SYT9: variants seen among roughly 807,000 people sequenced by gnomAD.
SYT9 encodes the protein synaptotagmin 9.
SYT9 carries 22 observed loss-of-function variants against 48.4 expected under a neutral mutation model. That is an observed-to-expected ratio of 0.45 (90% CI 0.32 to 0.65). SYT9 has a LOEUF of 0.65. Among genes scored for constraint, SYT9 ranks in the 30% least tolerant of loss-of-function variants. The pLI, the probability that SYT9 is intolerant of heterozygous loss-of-function variation, is 0.03. For synonymous variants in SYT9, 265 were observed against 245.0 expected, an observed-to-expected ratio of 1.08 and a Z score of -0.76; for missense variants, 577 against 622.0, an observed-to-expected ratio of 0.93 and a Z score of 0.77.
At chr11:7,457,224 C>T (rs969233942) in intron 6 of SYT9, 1 of 152,252 alleles carries the variant, frequency 6.6e-6, no homozygotes, top group Non-Finnish European at 1.5e-5. Context: ...TGCCTAGATC[C>T]AGCCTGTCTT....
intron 1 of SYT9, among the ~76,000 whole-genome samples, chr11:7,263,553 A>G (rs777149992): frequency 3.3e-5 from 5 of 152,338 alleles, no homozygotes; most frequent in African/African-American, 9.6e-5. Flanking sequence ...AGAAATGTGC[A>G]GGAACCAATA....
intron 3 of SYT9, among the ~76,000 whole-genome samples, chr11:7,403,773 A>G (rs1846945946): frequency 6.6e-6 from 1 of 152,202 alleles, no homozygotes; most frequent in African/African-American, 2.4e-5. Context: ...CTAAAAAAAA[A>G]AGAATGTATA....
At chr11:7,426,473 T>C (rs1387017712) in intron 6 of SYT9, among the ~76,000 whole-genome samples, 1 of 152,156 alleles carries the variant, frequency 6.6e-6, no homozygotes, top group Non-Finnish European at 1.5e-5. Flanking sequence ...TTCCCTGAAA[T>C]TCTAACAACC....
rs544970879 is a variant in SYT9 at position 7,383,473 on chromosome 11, A to T, written c.1045-32569A>T. ...GCAACACATATCCAAGGACCCTCGAAACTTTCCTTCATTTGCACATCAATT... is the reference window on the plus strand; with the variant it reads ...GCAACACATATCCAAGGACCCTCGATACTTTCCTTCATTTGCACATCAATT... On this transcript the variant is annotated intron_variant, in intron 3 of 6. Transcript: ENST00000318881. 2.5e-4 allele frequency among the ~76,000 whole-genome samples: 38 copies of T among 152,282 alleles called. 1 individual carries two copies. The South Asian group carries it at 7.1e-3, about 28-fold the overall frequency.
At chr11:7,466,675 C>T (rs551855405) in intron 6 of SYT9, 117 bp from the exon 7 acceptor site, 68 of 1,005,620 alleles carry the variant, frequency 6.8e-5, no homozygotes, top group African/African-American at 5.4e-4. Flanking sequence ...GAGCCAAGAT[C>T]GCGCCACTGC....
upstream of SYT9, among the ~76,000 whole-genome samples, chr11:7,248,601 A>G (rs570017851): frequency 8.5e-4 from 129 of 152,246 alleles, no homozygotes; most frequent in African/African-American, 2.9e-3. Context: ...TTCCAAATAA[A>G]ATACTTAGGA....
At chr11:7,319,957 G>A (rs1347257212) in intron 3 of SYT9, among the ~76,000 whole-genome samples, 1 of 152,118 alleles carries the variant, frequency 6.6e-6, no homozygotes, top group Non-Finnish European at 1.5e-5. Flanking sequence ...TTTTAATCTA[G>A]TATTTTTACC....
chr11:7,333,990 G>A lies in SYT9; in HGVS notation c.1044+20049G>A, dbSNP rs547143232. Among the ~76,000 whole-genome samples, 607 of 152,320 alleles carry A rather than the reference G, an allele frequency of 4.0e-3. 6 individuals carry two copies. Among genetic ancestry groups the A allele is most frequent in the Non-Finnish European group, 6.8e-3 (464 of 68,028 alleles). Reference sequence around the variant, plus strand: ...GAGGAAACGTAGGCAAGCGCTTCCTGTGGCACCTAACCTGGCCTGGTATAT... The same window carrying A: ...GAGGAAACGTAGGCAAGCGCTTCCTATGGCACCTAACCTGGCCTGGTATAT... On this transcript the variant is annotated intron_variant, in intron 3 of 6. Coordinates refer to ENST00000318881, the MANE Select transcript of SYT9 (RefSeq NM_175733.4).
upstream of SYT9, among the ~76,000 whole-genome samples, chr11:7,250,962 T>A (rs894270233): frequency 6.6e-6 from 1 of 152,098 alleles, no homozygotes; most frequent in Non-Finnish European, 1.5e-5. Flanking sequence ...CATGTATGAA[T>A]TTGAGCAAGT....
At chr11:7,239,322 G>A (rs1368085410) in intron 1 of SYT9, among the ~76,000 whole-genome samples, 4 of 152,070 alleles carry the variant, frequency 2.6e-5, no homozygotes, top group African/African-American at 9.7e-5. Flanking sequence ...TCTTTCCCTG[G>A]GTGTTTCATC....
intron 1 of SYT9, among the ~76,000 whole-genome samples, chr11:7,298,894 G>A (rs1848862182): frequency 6.6e-6 from 1 of 152,210 alleles, no homozygotes; most frequent in East Asian, 1.9e-4. Flanking sequence ...GCAGCTCTGG[G>A]TATAGTTTTA....
At chr11:7,391,663 G>A (rs1846612400) in intron 3 of SYT9, among the ~76,000 whole-genome samples, 2 of 143,112 alleles carry the variant, frequency 1.4e-5, no homozygotes, top group South Asian at 2.3e-4. Context: ...CACTTTCGAA[G>A]GCCAAGGTAG....
In SYT9 at chr11:7,396,893, T is replaced by A. The variant is rs545159881; in HGVS notation, c.1045-19149T>A. Among the ~76,000 whole-genome samples, 10 of 152,352 alleles carry A rather than the reference T, an allele frequency of 6.6e-5. No homozygotes were observed. The South Asian group carries it at 1.2e-3, about 19-fold the overall frequency. ...GAAATATATGACTTCTATATATTTA[T>A]ACATACAGTCTTTTATTGGCTTTAT... On this transcript the variant is annotated intron_variant, in intron 3 of 6. Coordinates refer to ENST00000318881, the MANE Select transcript of SYT9 (RefSeq NM_175733.4).
intron 3 of SYT9, among the ~76,000 whole-genome samples, chr11:7,365,160 C>G (rs551973045): frequency 1.8e-4 from 27 of 151,834 alleles, no homozygotes; most frequent in African/African-American, 6.0e-4. Context: ...GGAGTGTAAG[C>G]ATTTTTGTCT....
At chr11:7,332,180 C>T (rs1849546462) in intron 3 of SYT9, among the ~76,000 whole-genome samples, 1 of 152,152 alleles carries the variant, frequency 6.6e-6, no homozygotes, top group Non-Finnish European at 1.5e-5. Flanking sequence ...AAAGCCTTTC[C>T]TGAGCCTGAT....
chr11:7,273,430 T>G (rs1848331837), intron 1 of SYT9, among the ~76,000 whole-genome samples: 1 of 152,138 alleles, frequency 6.6e-6, no homozygotes, highest in Admixed American at 6.6e-5. Flanking sequence ...ATGGCCCAAC[T>G]ATATGTAGCC....
intron 6 of SYT9, among the ~76,000 whole-genome samples, chr11:7,436,195 G>A (rs1847706273): frequency 6.6e-6 from 1 of 152,196 alleles, no homozygotes; most frequent in African/African-American, 2.4e-5. Context: ...GGTGGCCTCT[G>A]TTTTTAAGGC....
Position 7,464,580 on chromosome 11 carries a change from C to A in SYT9, c.1468-2212C>A, listed in dbSNP as rs1026395378. 3.9e-5 allele frequency among the ~76,000 whole-genome samples: 6 copies of A among 152,124 alleles called. No individual in the cohort carries two copies. The South Asian group carries it at 1.0e-3, about 26-fold the overall frequency. On this transcript the variant is annotated intron_variant, in intron 6 of 6. Coordinates refer to ENST00000318881, the MANE Select transcript of SYT9 (RefSeq NM_175733.4). ...AGTCCATATCCCAGTGCCTGGCATA[C>A]AATAAGTACCCAAAAATGAAGGAAT...
chr11:7,260,046 A>T (rs1352778976), intron 1 of SYT9, among the ~76,000 whole-genome samples: 1 of 152,080 alleles, frequency 6.6e-6, no homozygotes, highest in African/African-American at 2.4e-5. Context: ...TGCAGCTGTT[A>T]CTTAACCACG....
Sources: gnomAD v4.1 joint callset for allele counts (sites outside exome capture counted in the v4.1 genomes callset) on GRCh38, gnomAD v4.1.1 for gene constraint, MANE v1.5 for transcripts, NCBI Gene and HGNC (gene_info 2026-07-23, HGNC 2026-07-21) for gene names.